The following CD28 variants were observed in gnomAD, a reference collection of about 807,000 sequenced individuals.
CD28 encodes T-cell-specific surface glycoprotein CD28.
CD28 carries 8 observed loss-of-function variants against 21.4 expected under a neutral mutation model. The observed-to-expected ratio is 0.37, with a 90% CI of 0.22 to 0.68. The LOEUF is 0.68. Among genes scored for constraint, CD28 ranks in the 30% least tolerant of loss-of-function variants. The pLI is 0.55. For synonymous variants in CD28, 106 were observed against 104.0 expected (o/e 1.02, Z -0.12); for missense variants, 239 against 272.2 (o/e 0.88, Z 0.86).
chr2:203,732,174 T>C (rs1693912480), intron 3 of CD28, among the ~76,000 whole-genome samples: 1 of 152,170 alleles, frequency 6.6e-6, no homozygotes, highest in Admixed American at 6.5e-5. Flanking sequence ...TTGATGTAAG[T>C]TGCTGTTTTC....
chr2:203,708,829 T>TA (rs1693231217), intron 1 of CD28, among the ~76,000 whole-genome samples: 1 of 152,148 alleles, frequency 6.6e-6, no homozygotes, highest in Non-Finnish European at 1.5e-5. Flanking sequence ...AATGACCACA[T>TA]AAAAAATGTA....
At chr2:203,711,759 C>T (rs1693318051) in intron 1 of CD28, among the ~76,000 whole-genome samples, 1 of 152,156 alleles carries the variant, frequency 6.6e-6, no homozygotes, top group Non-Finnish European at 1.5e-5. Context: ...GAAAGATCCA[C>T]CTCCTCGAAG....
rs1437516413 is a variant in CD28 at position 203,738,666 on chromosome 2, G to C, written c.*3754G>C. On this transcript the variant is annotated 3_prime_UTR_variant, in exon 4 of 4. Coordinates refer to ENST00000324106, the MANE Select transcript of CD28 (RefSeq NM_006139.4). ...TGTCCTTCTGTAGATGACCTGGCTT[G>C]CCTCGTCACCCTTCAGGTCCTTGCT... is the stretch of plus-strand genomic sequence containing the variant. The C allele has an allele frequency of 6.6e-6, 1 of 152,156 alleles. No individual in the cohort carries two copies. The highest frequency in any genetic ancestry group is 2.4e-5 in the African/African-American group (1 of 41,434). 9.4% of individuals were successfully genotyped at this position (152,156 alleles called of 1,614,324 possible). A position where few individuals can be genotyped will look rare whatever the true frequency, so the allele number is the denominator to read the frequency against.
At chr2:203,724,436 A>G (rs1693685581) in intron 1 of CD28, among the ~76,000 whole-genome samples, 1 of 152,222 alleles carries the variant, frequency 6.6e-6, no homozygotes. Flanking sequence ...AAAACTTAGT[A>G]TCAATCCTTC....
intron 1 of CD28, among the ~76,000 whole-genome samples, chr2:203,713,835 G>C: frequency 9.0e-6 from 1 of 111,148 alleles, no homozygotes; most frequent in East Asian, 2.2e-4. Context: ...TGCTGGACCT[G>C]AGAGAGAGAG....
chr2:203,722,180 G>A (rs1306532110), intron 1 of CD28, among the ~76,000 whole-genome samples: 1 of 152,198 alleles, frequency 6.6e-6, no homozygotes, highest in Non-Finnish European at 1.5e-5. Flanking sequence ...CCAGGGCGGT[G>A]AGCAAGCAGA....
intron 1 of CD28, among the ~76,000 whole-genome samples, chr2:203,716,370 G>C (rs1693462728): frequency 6.6e-6 from 1 of 152,162 alleles, no homozygotes; most frequent in Admixed American, 6.6e-5. Context: ...ACCACGGATG[G>C]CTTCGGAGAG....
intron 1 of CD28, among the ~76,000 whole-genome samples, chr2:203,715,937 C>T (rs1281319493): frequency 6.6e-6 from 1 of 152,134 alleles, no homozygotes; most frequent in Non-Finnish European, 1.5e-5. Flanking sequence ...TTGCATCAGC[C>T]TCCTGATTGG....
In CD28 at chr2:203,735,051, G is replaced by A; in HGVS notation, c.*139G>A. The A allele has an allele frequency of 1.1e-6, 1 of 894,030 alleles. No individual in the cohort carries two copies. Among genetic ancestry groups the A allele is most frequent in the Admixed American group, 2.6e-5 (1 of 38,034 alleles). The allele number at this position is 894,030 out of a possible 1,614,324, so 55.4% of individuals were successfully genotyped here. A position where few individuals can be genotyped will look rare whatever the true frequency, so the allele number is the denominator to read the frequency against. On this transcript the variant is annotated 3_prime_UTR_variant, in exon 4 of 4. Transcript: ENST00000324106. Reference sequence around the variant, plus strand: ...CCACCAATGCCAATTTTTCTCGAGTGACTAGACCAAATATCAAGATCATTT... The same window carrying A: ...CCACCAATGCCAATTTTTCTCGAGTAACTAGACCAAATATCAAGATCATTT...
chr2:203,725,616 A>G (rs557221099), intron 1 of CD28, among the ~76,000 whole-genome samples: 35 of 152,354 alleles, frequency 2.3e-4, no homozygotes, highest in African/African-American at 7.7e-4. Flanking sequence ...TAAAGATTGA[A>G]CTAAATGCTC....
chr2:203,725,827 C>G (rs1484391520), intron 1 of CD28, among the ~76,000 whole-genome samples: 1 of 151,344 alleles, frequency 6.6e-6, no homozygotes, highest in Non-Finnish European at 1.5e-5. Context: ...TCTCTTCATC[C>G]CACTCTTGCA....
At chr2:203,708,924 C>T (rs1693235310) in intron 1 of CD28, among the ~76,000 whole-genome samples, 1 of 151,924 alleles carries the variant, frequency 6.6e-6, no homozygotes, top group Admixed American at 6.6e-5. Context: ...GTTGGAGACC[C>T]GTCGGGCTAA....
intron 1 of CD28, among the ~76,000 whole-genome samples, chr2:203,723,488 A>G (rs964819728): frequency 1.8e-4 from 24 of 132,278 alleles, no homozygotes; most frequent in African/African-American, 6.6e-4. Flanking sequence ...CTCTGTAAAA[A>G]TAAAAAAAAA....
rs958814051 is a variant in CD28, at chr2:203,736,003, A to C, written c.*1091A>C. The C allele has an allele frequency of 4.0e-5, 6 of 151,610 alleles. No individual in the cohort carries two copies. Among genetic ancestry groups the C allele is most frequent in the African/African-American group, 1.5e-4 (6 of 41,116 alleles). The allele number at this position is 151,610 out of a possible 1,614,324, so 9.4% of individuals were successfully genotyped here. A position where few individuals can be genotyped will look rare whatever the true frequency, so the allele number is the denominator to read the frequency against. ...AGCCTGGGCGACAGAGTGAGACTCCATCTCAAACAACAACAACAACAACAA... is the reference window on the plus strand; with the variant it reads ...AGCCTGGGCGACAGAGTGAGACTCCCTCTCAAACAACAACAACAACAACAA... On this transcript the variant is annotated 3_prime_UTR_variant, in exon 4 of 4. Transcript: ENST00000324106.
At chr2:203,709,529 G>T (rs999733925) in intron 1 of CD28, among the ~76,000 whole-genome samples, 2 of 152,168 alleles carry the variant, frequency 1.3e-5, no homozygotes, top group Non-Finnish European at 2.9e-5. Context: ...AGTTAAAGAA[G>T]TGTGATTTAG....
At chr2:203,716,932 G>T (rs943248894) in intron 1 of CD28, among the ~76,000 whole-genome samples, 8 of 152,162 alleles carry the variant, frequency 5.3e-5, no homozygotes, top group African/African-American at 1.9e-4. Flanking sequence ...CTGGGCTCAA[G>T]TGATCCTCCC....
At chr2:203,720,621 A>G (rs1693582034) in intron 1 of CD28, among the ~76,000 whole-genome samples, 1 of 152,218 alleles carries the variant, frequency 6.6e-6, no homozygotes, top group African/African-American at 2.4e-5. Context: ...ATGTCCTTAC[A>G]TTTGTAATAT....
intron 1 of CD28, 46 bp downstream of exon 1, chr2:203,706,794 C>A: frequency 7.2e-7 from 1 of 1,394,206 alleles, no homozygotes; most frequent in Non-Finnish European, 1.0e-6. Context: ...TTTTTGAGGT[C>A]TTCCAATTGG....
intron 1 of CD28, among the ~76,000 whole-genome samples, chr2:203,707,173 T>A (rs1470074076): frequency 6.6e-6 from 1 of 152,000 alleles, no homozygotes; most frequent in East Asian, 1.9e-4. Flanking sequence ...ATCGTTTCTT[T>A]CTTTCTTTCT....
Sources: gnomAD v4.1 joint callset for allele counts (sites outside exome capture counted in the v4.1 genomes callset) on GRCh38, gnomAD v4.1.1 for gene constraint, MANE v1.5 for transcripts, NCBI Gene and HGNC (gene_info 2026-07-23, HGNC 2026-07-21) for gene names.